DYSF: variants seen among roughly 807,000 people sequenced by gnomAD.
DYSF encodes dysferlin.
In DYSF, 212 loss-of-function variants were observed where a neutral mutation model predicts 274.9. The observed-to-expected ratio is 0.77, with a 90% CI of 0.69 to 0.86. The LOEUF is 0.86. Ranked by LOEUF, DYSF falls within the 40% of genes least tolerant of loss-of-function variation. The probability of loss-of-function intolerance (pLI) is 0.00; values close to 1 mark genes in which losing one functional copy is unlikely to be tolerated. For missense variants in DYSF, 2,666 were observed against 2,783.2 expected, an observed-to-expected ratio of 0.96 and a Z score of 0.95; for synonymous variants, 1,091 against 1,078.7, an observed-to-expected ratio of 1.01 and a Z score of -0.22.
At chr2:71,463,244 G>A (rs2081359029), upstream of DYSF, among the ~76,000 whole-genome samples, 1 of 152,248 alleles carries the variant, frequency 6.6e-6, no homozygotes, top group South Asian at 2.1e-4. Context: ...CCACAAGTGT[G>A]CACACATCTG....
At chr2:71,516,355 C>T (rs576603974) in intron 9 of DYSF, 113 bp downstream of exon 9, 53 of 1,018,220 alleles carry the variant, frequency 5.2e-5, no homozygotes, top group Middle Eastern at 2.6e-4. Context: ...AGTGTGAATG[C>T]GTGAATGCGT....
intron 13 of DYSF, 59 bp downstream of exon 13, chr2:71,526,405 T>TGGGGGGGGGGGGGGGGGGGGGGGGGGGGG: frequency 2.7e-6 from 1 of 370,354 alleles, no homozygotes; most frequent in Non-Finnish European, 3.9e-6. Flanking sequence ...GCAGGGCTGG[T>TGGGGGGGGGGGGGGGGGGGGGGGGGGGGG]GGGGGTGGGC....
rs762805917 is a variant in DYSF, at chr2:71,600,803, G to A, written c.3858G>A (p.Gly1286=). Residue 1286 remains glycine, a synonymous_variant, in exon 34 of 56, where the codon GGG becomes GGA. Coordinates refer to ENST00000410020, the MANE Select transcript of DYSF (RefSeq NM_001130987.2). ...TGACGAGGGGCAGCCAGCCGTCGGG[G>A]GAGCTGCTGGCCTCTTTTGAGCTCA... is the stretch of plus-strand genomic sequence containing the variant. ...FPLTRGSQPS[G]ELLASFELIQ... 3.1e-6 allele frequency: 5 copies of A among 1,613,238 alleles called. No individual in the cohort carries two copies.
At chr2:71,577,988 C>T (rs759993620) in intron 30 of DYSF, among the ~76,000 whole-genome samples, 10 of 152,148 alleles carry the variant, frequency 6.6e-5, no homozygotes, top group Non-Finnish European at 1.0e-4. Context: ...TAGCTGTGGA[C>T]GGGTCACTCA....
intron 55 of DYSF, among the ~76,000 whole-genome samples, chr2:71,683,913 G>A (rs1160659677): frequency 2.6e-5 from 1 of 38,456 alleles, no homozygotes; most frequent in Non-Finnish European, 5.4e-5. Context: ...TAACCACACA[G>A]CTTTCCATGC....
At chr2:71,524,330 C>T (rs1017373613) in intron 12 of DYSF, among the ~76,000 whole-genome samples, 1 of 152,214 alleles carries the variant, frequency 6.6e-6, no homozygotes, top group South Asian at 2.1e-4. Context: ...TATCTTTTAT[C>T]TCCCCTCTTG....
rs528722226 is a variant in DYSF, at chr2:71,484,408, A to C, written c.239+2438A>C. 5.3e-5 allele frequency among the ~76,000 whole-genome samples: 8 copies of C among 152,238 alleles called. No individual in the cohort carries two copies. In the South Asian group the frequency reaches 1.0e-3, roughly 20 times the overall value. ...TTATGGGTAGATAATAGTTGTATAT[A>C]TCTATGGGGTGCACGTGATGTTCTG... is the stretch of plus-strand genomic sequence containing the variant. On this transcript the variant is annotated intron_variant, in intron 3 of 55. Transcript: ENST00000410020.
chr2:71,590,465 T>G (rs1302019555), intron 32 of DYSF, among the ~76,000 whole-genome samples, 177 bp downstream of exon 32: 2 of 152,188 alleles, frequency 1.3e-5, no homozygotes, highest in Non-Finnish European at 2.9e-5. Context: ...CATGGCCTGC[T>G]GGTCTTCTTG....
At chr2:71,663,929 G>C (rs2094948801) in intron 45 of DYSF, among the ~76,000 whole-genome samples, 1 of 152,200 alleles carries the variant, frequency 6.6e-6, no homozygotes. Context: ...CTGGCCCCTG[G>C]CTCTGGAGTT....
intron 3 of DYSF, among the ~76,000 whole-genome samples, chr2:71,500,104 G>A (rs1340364653): frequency 6.6e-6 from 1 of 152,120 alleles, no homozygotes; most frequent in Non-Finnish European, 1.5e-5. Flanking sequence ...CTCCTCAAGG[G>A]CCCCAGACCT....
Position 71,669,138 on chromosome 2 carries a change from A to G in DYSF, c.5573A>G (p.Asn1858Ser), listed in dbSNP as rs2095071852. 2 of 1,608,104 alleles carry G rather than the reference A, an allele frequency of 1.2e-6. No homozygotes were observed. The highest frequency in any genetic ancestry group is 1.3e-5 in the African/African-American group (1 of 74,892). Residue 1858 changes from asparagine (N) to serine (S), a missense_variant, in exon 50 of 56, where the codon AAT becomes AGT. Transcript: ENST00000410020. ...TTTTTCCTGCGTTGTATTATCTGGA[A>G]TACCAGAGATGTGATCCTGGATGAC... is the stretch of plus-strand genomic sequence containing the variant. ...RRFFLRCIIWNTRDVILDDLS... is the reference protein window; with the variant it reads ...RRFFLRCIIWSTRDVILDDLS...
chr2:71,613,321 C>G lies in DYSF; in HGVS notation c.4388-13C>G, dbSNP rs758225487. On this transcript the variant is annotated splice_polypyrimidine_tract_variant and intron_variant, in intron 39 of 55. Coordinates refer to ENST00000410020, the MANE Select transcript of DYSF (RefSeq NM_001130987.2). The stretch of plus-strand genomic sequence containing the variant: ...GAGCCCCTCTCAGGCCTGGATGGCT[C>G]CCTCCCCTGCAGACGATGTGAGCCT... 7.5e-6 allele frequency: 12 copies of G among 1,609,674 alleles called. No individual in the cohort carries two copies. The African/African-American group carries it at 1.2e-4, about 16-fold the overall frequency.
At chr2:71,637,730 A>G (rs1425595116) in intron 41 of DYSF, among the ~76,000 whole-genome samples, 1 of 152,194 alleles carries the variant, frequency 6.6e-6, no homozygotes, top group Non-Finnish European at 1.5e-5. Flanking sequence ...ATGGAACAAG[A>G]GAGGTGGAAG....
chr2:71,456,830 A>G (rs941298488), intron 1 of DYSF, among the ~76,000 whole-genome samples: 1 of 152,126 alleles, frequency 6.6e-6, no homozygotes, highest in Admixed American at 6.5e-5. Context: ...TTGGTGCATG[A>G]ATAAGAAAGT....
chr2:71,485,979 C>T (rs2083328578), intron 3 of DYSF, among the ~76,000 whole-genome samples: 1 of 151,970 alleles, frequency 6.6e-6, no homozygotes, highest in African/African-American at 2.4e-5. Flanking sequence ...GCGCCCAGCC[C>T]TTCAATGAGC....
intron 33 of DYSF, among the ~76,000 whole-genome samples, chr2:71,599,208 C>T (rs1317033212): frequency 6.6e-6 from 1 of 152,208 alleles, no homozygotes; most frequent in African/African-American, 2.4e-5. Context: ...TGCCTCTCAA[C>T]TCTGTGCCAC....
chr2:71,600,651 T>C (rs2093527367), intron 33 of DYSF, 51 bp from the exon 34 acceptor site: 1 of 1,613,066 alleles, frequency 6.2e-7, no homozygotes, highest in Non-Finnish European at 8.5e-7. Flanking sequence ...TGAGGCTCCC[T>C]AGAGCCCTGG....
At chr2:71,624,641 T>A (rs2094173751) in intron 41 of DYSF, among the ~76,000 whole-genome samples, 2 of 152,170 alleles carry the variant, frequency 1.3e-5, no homozygotes, top group Non-Finnish European at 2.9e-5. Flanking sequence ...AAATGTGTAA[T>A]AGTAGGAAAC....
At chr2:71,548,632 G>A (rs545294440) in intron 17 of DYSF, among the ~76,000 whole-genome samples, 2 of 152,284 alleles carry the variant, frequency 1.3e-5, no homozygotes, top group East Asian at 3.9e-4. Flanking sequence ...ATTTCCTTCC[G>A]TGCTTTTCTT....
Sources: allele counts gnomAD v4.1 joint callset (sites outside exome capture counted in the v4.1 genomes callset), GRCh38; gene constraint gnomAD v4.1.1; transcripts MANE v1.5; gene names NCBI Gene and HGNC (gene_info 2026-07-23, HGNC 2026-07-21).